The following ATP10B variants were observed in gnomAD, a reference collection of about 807,000 sequenced individuals.
The protein encoded by ATP10B is phospholipid-transporting ATPase VB.
A neutral mutation model predicts 141.2 loss-of-function variants in ATP10B; 122 were observed. The observed-to-expected ratio is 0.86, with a 90% CI of 0.75 to 1.00. The LOEUF is 1.00. Ranked by LOEUF, ATP10B falls within the 50% of genes least tolerant of loss-of-function variation. ATP10B has a pLI of 0.00. For synonymous variants in ATP10B, 685 were observed against 692.0 expected, an observed-to-expected ratio of 0.99 and a Z score of 0.16; for missense variants, 1,876 against 1,825.3, an observed-to-expected ratio of 1.03 and a Z score of -0.51.
At chr5:160,639,828 T>G (rs1482514643) in intron 10 of ATP10B, among the ~76,000 whole-genome samples, 1 of 152,194 alleles carries the variant, frequency 6.6e-6, no homozygotes, top group Non-Finnish European at 1.5e-5. Flanking sequence ...ATTATACAAC[T>G]TACCATAGTG....
Position 160,686,142 on chromosome 5 carries a change from TC to T in ATP10B, c.406del (p.Glu136ArgfsTer12). The stretch of plus-strand genomic sequence containing the variant: ...ATCAAAGCGGTGTCTCTTGAAGTCC[TC>T]CATGCCATCCTTGATCATGATGACG... Reference protein sequence around the residue: ...LFVIMIKDGMEDFKRHRFDKA... With the variant: ...LFVIMIKDGMXDFKRHRFDKA... On this transcript the variant is annotated frameshift_variant, in exon 6 of 26. Transcript: ENST00000327245. LOFTEE classifies it high-confidence loss of function. 6.2e-7 allele frequency: 1 copy of T among 1,612,564 alleles called. No homozygotes were observed. Among genetic ancestry groups the T allele is most frequent in the East Asian group, 2.2e-5 (1 of 44,836 alleles).
the ATP10B span, among the ~76,000 whole-genome samples, chr5:160,908,455 T>A: frequency 2.0e-5 from 3 of 152,230 alleles, no homozygotes; most frequent in Non-Finnish European, 4.4e-5. Flanking sequence ...ATGAAAGACC[T>A]GATTTCAAAG....
intron 1 of ATP10B, among the ~76,000 whole-genome samples, chr5:160,837,029 G>C (rs953052283): frequency 6.6e-6 from 1 of 151,976 alleles, no homozygotes; most frequent in Non-Finnish European, 1.5e-5. Context: ...TCATACTTTG[G>C]CTTCTAGGCA....
Position 160,816,959 on chromosome 5 carries a change from A to C in ATP10B, c.-575-31156T>G, listed in dbSNP as rs1026576239. On this transcript the variant is annotated intron_variant, in intron 1 of 25. Transcript: ENST00000327245. ...CTTTGACAAAATTCAACAGCACTTC[A>C]TGCTAAAAACTCTCAATAAATTAGG... Among the ~76,000 whole-genome samples, 4 of 152,244 alleles carry C rather than the reference A, an allele frequency of 2.6e-5. No individual in the cohort carries two copies. In the East Asian group the frequency reaches 7.7e-4, roughly 29 times the overall value.
rs1307000570 is a variant in ATP10B, at chr5:160,596,653, C to G, written c.3564+2117G>C. 9.9e-5 allele frequency among the ~76,000 whole-genome samples: 15 copies of G among 151,054 alleles called. No individual in the cohort carries two copies. The East Asian group carries it at 2.9e-3, about 29-fold the overall frequency. ...GTATATCTAGAAAACCCCATTGTCT[C>G]AGCCCAAAATCTCCTTAAGCTGATA... On this transcript the variant is annotated intron_variant, in intron 22 of 25. Coordinates refer to ENST00000327245, the MANE Select transcript of ATP10B (RefSeq NM_025153.3).
intron 2 of ATP10B, among the ~76,000 whole-genome samples, chr5:160,735,903 T>G (rs946396321): frequency 1.3e-5 from 2 of 151,786 alleles, no homozygotes; most frequent in Non-Finnish European, 2.9e-5. Context: ...AGTGGGTAAA[T>G]AAAGAAATTA....
intron 2 of ATP10B, among the ~76,000 whole-genome samples, chr5:160,737,835 T>C (rs1767226844): frequency 6.6e-6 from 1 of 152,064 alleles, no homozygotes; most frequent in Non-Finnish European, 1.5e-5. Context: ...AATTAAAAAA[T>C]TAATGGGGAG....
At chr5:160,685,006 C>A (rs1476621584) in intron 6 of ATP10B, 1 of 703,306 alleles carries the variant, frequency 1.4e-6, no homozygotes, top group East Asian at 2.7e-5. Context: ...AACCGCAATG[C>A]CCACAAAATA....
At chr5:160,604,127 A>G in intron 19 of ATP10B, 86 bp from the exon 20 acceptor site, 1 of 938,638 alleles carries the variant, frequency 1.1e-6, no homozygotes, top group Non-Finnish European at 1.8e-6. Flanking sequence ...CCAGTTACAT[A>G]CAATTGAATC....
At chr5:160,841,644 G>T (rs1468309220) in intron 1 of ATP10B, among the ~76,000 whole-genome samples, 2 of 152,100 alleles carry the variant, frequency 1.3e-5, no homozygotes, top group African/African-American at 2.4e-5. Flanking sequence ...TCACTAAAGG[G>T]GAGAGGAAGA....
intron 2 of ATP10B, among the ~76,000 whole-genome samples, chr5:160,737,322 C>T (rs931968111): frequency 6.6e-6 from 1 of 152,132 alleles, no homozygotes; most frequent in Non-Finnish European, 1.5e-5. Flanking sequence ...AAACTGAAAG[C>T]CTTTTCTCCA....
chr5:160,815,207 T>A (rs1054405921), intron 1 of ATP10B, among the ~76,000 whole-genome samples: 3 of 151,708 alleles, frequency 2.0e-5, no homozygotes, highest in Non-Finnish European at 2.9e-5. Flanking sequence ...GGATAAAGAG[T>A]CAAGACCCAT....
intron 7 of ATP10B, among the ~76,000 whole-genome samples, chr5:160,670,250 A>G (rs949788300): frequency 6.6e-6 from 1 of 152,188 alleles, no homozygotes; most frequent in Non-Finnish European, 1.5e-5. Flanking sequence ...CAAGTTATTT[A>G]ACTTTACTAA....
intron 5 of ATP10B, chr5:160,687,205 T>C (rs1190363942): frequency 6.6e-6 from 1 of 152,430 alleles, no homozygotes; most frequent in Non-Finnish European, 1.5e-5. Context: ...TTTATATCAA[T>C]TTATATAATT....
intron 13 of ATP10B, among the ~76,000 whole-genome samples, chr5:160,631,190 A>G (rs537114788): frequency 6.6e-6 from 1 of 152,182 alleles, no homozygotes; most frequent in South Asian, 2.1e-4. Flanking sequence ...CTTGTTCAAG[A>G]TTGCTGGGGC....
chr5:160,726,674 TA>T (rs769909569), intron 2 of ATP10B, among the ~76,000 whole-genome samples: 7 of 46,432 alleles, frequency 1.5e-4, no homozygotes, highest in Non-Finnish European at 2.6e-4. Context: ...GAGGAAGGAG[TA>T]GGGGGGGAGG....
chr5:160,606,131 A>G (rs1757373203), intron 19 of ATP10B, among the ~76,000 whole-genome samples: 1 of 152,226 alleles, frequency 6.6e-6, no homozygotes, highest in Non-Finnish European at 1.5e-5. Context: ...ACAGAAGATC[A>G]CGAAGATTCT....
chr5:160,801,854 C>T (rs1385482840), intron 1 of ATP10B, among the ~76,000 whole-genome samples: 3 of 152,036 alleles, frequency 2.0e-5, no homozygotes, highest in Admixed American at 6.6e-5. Context: ...CACGGTTCTT[C>T]GAAACAGATT....
chr5:160,726,908 T>C (rs1482701216), intron 2 of ATP10B, among the ~76,000 whole-genome samples: 1 of 151,554 alleles, frequency 6.6e-6, no homozygotes, highest in African/African-American at 2.4e-5. Flanking sequence ...CAACCATTTG[T>C]CTCTCACCTA....
Sources: allele counts gnomAD v4.1 joint callset (sites outside exome capture counted in the v4.1 genomes callset), GRCh38; gene constraint gnomAD v4.1.1; transcripts MANE v1.5; gene names NCBI Gene and HGNC (gene_info 2026-07-23, HGNC 2026-07-21).